The following DAP variants were observed in gnomAD, a reference collection of about 807,000 sequenced individuals.
The protein encoded by DAP is death associated protein.
In DAP, 8 loss-of-function variants were observed where a neutral mutation model predicts 13.8. The ratio of observed to expected loss-of-function variants is 0.58; its 90% CI spans 0.34 to 1.05. The LOEUF (loss-of-function observed/expected upper bound fraction) is 1.05, where lower values mean the gene tolerates loss of function less well. Ranked by LOEUF, DAP falls within the 50% of genes least tolerant of loss-of-function variation. The probability of loss-of-function intolerance (pLI) is 0.03; values close to 1 mark genes in which losing one functional copy is unlikely to be tolerated. For missense variants in DAP, 106 were observed against 133.2 expected (o/e 0.80, Z 1.01); for synonymous variants, 47 against 47.5 (o/e 0.99, Z 0.04).
intron 2 of DAP, among the ~76,000 whole-genome samples, chr5:10,743,442 T>C: frequency 6.6e-6 from 1 of 152,184 alleles, no homozygotes; most frequent in East Asian, 1.9e-4. Flanking sequence ...CAGGGAAGAA[T>C]TGTTCCTTAT....
intron 2 of DAP, among the ~76,000 whole-genome samples, chr5:10,734,958 T>A (rs999858555): frequency 6.6e-6 from 1 of 152,168 alleles, no homozygotes; most frequent in Non-Finnish European, 1.5e-5. Context: ...TCCTGAGAGC[T>A]CCCAGGGAAG....
Position 10,730,212 on chromosome 5 carries a change from T to C in DAP, c.152+17963A>G, listed in dbSNP as rs1739404357. Among the ~76,000 whole-genome samples the C allele has an allele frequency of 2.0e-5, 3 of 152,360 alleles. No homozygotes were observed. In the South Asian group the frequency reaches 6.2e-4, roughly 32 times the overall value. ...AGGGATTTTGTTTTGCTCACTAATG[T>C]GTCCCCACTGTGTAGAGTACCTGGC... On this transcript the variant is annotated intron_variant, in intron 2 of 3. Transcript: ENST00000230895.
intron 2 of DAP, among the ~76,000 whole-genome samples, chr5:10,721,272 T>C (rs528260304): frequency 1.3e-5 from 2 of 152,328 alleles, no homozygotes; most frequent in Admixed American, 6.5e-5. Flanking sequence ...TCACCCCTAA[T>C]GATCCACTGG....
At chr5:10,684,781 T>C (rs535700022) in intron 2 of DAP, among the ~76,000 whole-genome samples, 7 of 152,114 alleles carry the variant, frequency 4.6e-5, no homozygotes, top group Non-Finnish European at 1.0e-4. Context: ...GTGGACAAGG[T>C]GTGTGCACTT....
intron 2 of DAP, among the ~76,000 whole-genome samples, chr5:10,703,363 G>A (rs186897385): frequency 1.3e-5 from 2 of 152,338 alleles, no homozygotes; most frequent in Admixed American, 6.5e-5. Flanking sequence ...GGGCCTGGCT[G>A]GCTGTGGGCT....
At chr5:10,745,931 C>G (rs1739893083) in intron 2 of DAP, among the ~76,000 whole-genome samples, 1 of 152,206 alleles carries the variant, frequency 6.6e-6, no homozygotes, top group Non-Finnish European at 1.5e-5. Context: ...ATTCCCAACT[C>G]AAGAATGCTC....
chr5:10,747,477 C>G lies in DAP; in HGVS notation c.152+698G>C, dbSNP rs5745197. Among the ~76,000 whole-genome samples, 892 of 152,306 alleles carry G rather than the reference C, an allele frequency of 5.9e-3. 10 individuals are homozygous for G. The highest frequency in any genetic ancestry group is 0.027 in the Middle Eastern group (8 of 294). On this transcript the variant is annotated intron_variant, in intron 2 of 3. Coordinates refer to ENST00000230895, the MANE Select transcript of DAP (RefSeq NM_004394.3). ...CATGGCCTTGTAATTCTAGATCTGGCTGATGATCCGAGGGAGGAAATGCTT... is the reference window on the plus strand; with the variant it reads ...CATGGCCTTGTAATTCTAGATCTGGGTGATGATCCGAGGGAGGAAATGCTT...
In DAP at chr5:10,737,521, T is replaced by C. The variant is rs376907292; in HGVS notation, c.152+10654A>G. 2.6e-5 allele frequency among the ~76,000 whole-genome samples: 4 copies of C among 152,168 alleles called. No individual in the cohort carries two copies. The South Asian group carries it at 8.3e-4, about 32-fold the overall frequency. On this transcript the variant is annotated intron_variant, in intron 2 of 3. Coordinates refer to ENST00000230895, the MANE Select transcript of DAP (RefSeq NM_004394.3). ...ACTAGCCTGGATATAAAAGGTGACA[T>C]TAGAACTTAAGGGTAATGTTGAAAT...
chr5:10,754,900 T>C (rs1041243056), intron 1 of DAP, among the ~76,000 whole-genome samples: 2 of 152,132 alleles, frequency 1.3e-5, no homozygotes, highest in African/African-American at 4.8e-5. Flanking sequence ...GTGGGCAGCA[T>C]CATGTCATCA....
At position 10,741,587 on chromosome 5, in the gene DAP, T is replaced by G. The variant is rs144560362; in HGVS notation, c.152+6588A>C. Among the ~76,000 whole-genome samples, 522 of 152,336 alleles carry G rather than the reference T, an allele frequency of 3.4e-3. 3 individuals carry two copies. Among genetic ancestry groups the G allele is most frequent in the African/African-American group, 0.012 (508 of 41,572 alleles). On this transcript the variant is annotated intron_variant, in intron 2 of 3. Transcript: ENST00000230895. ...GTTTCTTAAGTTGTTTATGAAGTAG[T>G]AGACTAGTTTCTGAAGGCAGACTAA...
chr5:10,697,866 C>A (rs1173247353), intron 2 of DAP, among the ~76,000 whole-genome samples: 2 of 152,144 alleles, frequency 1.3e-5, no homozygotes, highest in Non-Finnish European at 2.9e-5. Context: ...TCGAACCCAG[C>A]AACAGAATTA....
rs1433526832 is a variant in DAP, at chr5:10,681,031, T to A, written c.*25A>T. The A allele has an allele frequency of 1.3e-6, 2 of 1,573,382 alleles. No homozygotes were observed. Among genetic ancestry groups the A allele is most frequent in the Non-Finnish European group, 1.7e-6 (2 of 1,158,278 alleles). Reference sequence around the variant, plus strand: ...ACCAAGTGCAGCAGAGCCGGGGCCATGGGGCAGGCTGGTGGACTCCAGGCT... The same window carrying A: ...ACCAAGTGCAGCAGAGCCGGGGCCAAGGGGCAGGCTGGTGGACTCCAGGCT... On this transcript the variant is annotated 3_prime_UTR_variant, in exon 4 of 4. Coordinates refer to ENST00000230895, the MANE Select transcript of DAP (RefSeq NM_004394.3).
intron 2 of DAP, among the ~76,000 whole-genome samples, chr5:10,700,046 G>A (rs1053381588): frequency 9.9e-5 from 15 of 152,224 alleles, no homozygotes; most frequent in East Asian, 1.9e-4. Context: ...GCACAACCTC[G>A]AGCATGAAGA....
At chr5:10,693,848 G>A (rs1364809069) in intron 2 of DAP, among the ~76,000 whole-genome samples, 1 of 152,218 alleles carries the variant, frequency 6.6e-6, no homozygotes, top group Non-Finnish European at 1.5e-5. Flanking sequence ...TTTCTGACTT[G>A]ATAGTGGATT....
chr5:10,683,441 G>A, intron 3 of DAP, 88 bp downstream of exon 3: 2 of 1,239,034 alleles, frequency 1.6e-6, no homozygotes, highest in Admixed American at 3.4e-5. Context: ...GTTATTCCAG[G>A]TAGAGTTTAA....
At chr5:10,759,234 A>G (rs1740277834) in intron 1 of DAP, among the ~76,000 whole-genome samples, 1 of 152,228 alleles carries the variant, frequency 6.6e-6, no homozygotes, top group South Asian at 2.1e-4. Context: ...ATGCAATTTA[A>G]TTACTGTACT....
chr5:10,690,013 G>A (rs539793383), intron 2 of DAP, among the ~76,000 whole-genome samples: 1 of 152,272 alleles, frequency 6.6e-6, no homozygotes, highest in African/African-American at 2.4e-5. Context: ...GTGCTCCAGC[G>A]CCCCCATCTG....
intron 2 of DAP, among the ~76,000 whole-genome samples, chr5:10,703,217 C>T (rs1738622852): frequency 6.6e-6 from 1 of 152,234 alleles, no homozygotes. Flanking sequence ...AGGGAGCTTA[C>T]TTGTTGGGAC....
At chr5:10,721,993 G>T (rs1048792660) in intron 2 of DAP, among the ~76,000 whole-genome samples, 1 of 152,162 alleles carries the variant, frequency 6.6e-6, no homozygotes, top group Non-Finnish European at 1.5e-5. Flanking sequence ...TGCGTTTCTG[G>T]TAGTACAAAG....
Sources: gnomAD v4.1 joint callset for allele counts (sites outside exome capture counted in the v4.1 genomes callset) on GRCh38, gnomAD v4.1.1 for gene constraint, MANE v1.5 for transcripts, NCBI Gene and HGNC (gene_info 2026-07-23, HGNC 2026-07-21) for gene names.